The following CCDC93 variants were observed in gnomAD, a reference collection of about 807,000 sequenced individuals.
The protein encoded by CCDC93 is coiled-coil domain-containing protein 93.
A neutral mutation model predicts 108.2 loss-of-function variants in CCDC93; 61 were observed. The observed-to-expected ratio is 0.56, with a 90% CI of 0.46 to 0.70. The LOEUF is 0.70. Among genes scored for constraint, CCDC93 ranks in the 30% least tolerant of loss-of-function variants. The probability of loss-of-function intolerance (pLI) is 0.00; values close to 1 mark genes in which losing one functional copy is unlikely to be tolerated. For missense variants in CCDC93, 685 were observed against 764.2 expected, an observed-to-expected ratio of 0.90 and a Z score of 1.22; for synonymous variants, 276 against 260.4, an observed-to-expected ratio of 1.06 and a Z score of -0.58.
rs1678978754 is a variant in CCDC93 at position 117,949,402 on chromosome 2, G to A, written c.1069-7C>T. 2 of 1,607,322 alleles carry A rather than the reference G, an allele frequency of 1.2e-6. No individual in the cohort carries two copies. The highest frequency in any genetic ancestry group is 1.1e-5 in the South Asian group (1 of 90,908). On this transcript the variant is annotated splice_polypyrimidine_tract_variant and splice_region_variant and intron_variant, in intron 13 of 23. Transcript: ENST00000376300. Reference sequence around the variant, plus strand: ...TCTCACTGTAAGTCTTCAGCTGCAAGAGAGAATGAAGACATGGTTGCTGGA... The same window carrying A: ...TCTCACTGTAAGTCTTCAGCTGCAAAAGAGAATGAAGACATGGTTGCTGGA...
chr2:118,005,515 G>A (rs1676839615), intron 3 of CCDC93, among the ~76,000 whole-genome samples: 2 of 152,170 alleles, frequency 1.3e-5, no homozygotes, highest in South Asian at 4.1e-4. Flanking sequence ...TCTAATCCCA[G>A]GAGGCCAAGG....
intron 11 of CCDC93, among the ~76,000 whole-genome samples, chr2:117,963,597 G>A (rs1162442391): frequency 6.6e-6 from 1 of 152,178 alleles, no homozygotes; most frequent in South Asian, 2.1e-4. Flanking sequence ...AAAACCCATA[G>A]TTATGTAACC....
At chr2:117,953,867 G>A (rs986617800) in intron 12 of CCDC93, among the ~76,000 whole-genome samples, 2 of 152,048 alleles carry the variant, frequency 1.3e-5, no homozygotes, top group African/African-American at 4.8e-5. Context: ...GGACTCTAGC[G>A]TAGATGATGG....
chr2:117,926,137 A>G (rs1174399677), intron 23 of CCDC93, among the ~76,000 whole-genome samples: 1 of 152,190 alleles, frequency 6.6e-6, no homozygotes, highest in African/African-American at 2.4e-5. Flanking sequence ...AGGGAAATTT[A>G]TAGCACTAAA....
chr2:118,005,373 A>G (rs11679352), intron 3 of CCDC93, among the ~76,000 whole-genome samples: 147,620 of 152,264 alleles, frequency 0.97, 71,747 homozygotes, highest in Middle Eastern at 1. Flanking sequence ...GCACATCAAG[A>G]GTGCCACAGG....
At chr2:117,958,039 T>C (rs1679273443) in intron 12 of CCDC93, among the ~76,000 whole-genome samples, 1 of 152,194 alleles carries the variant, frequency 6.6e-6, no homozygotes, top group Non-Finnish European at 1.5e-5. Flanking sequence ...ATTTGTTAAC[T>C]AATGCTATTT....
chr2:117,938,237 C>T (rs533001890), intron 20 of CCDC93, among the ~76,000 whole-genome samples: 1 of 152,254 alleles, frequency 6.6e-6, no homozygotes, highest in African/African-American at 2.4e-5. Flanking sequence ...CCAAATAAAC[C>T]CAAATCTGAC....
chr2:117,945,202 T>C (rs1284827125), intron 17 of CCDC93, among the ~76,000 whole-genome samples: 2 of 152,208 alleles, frequency 1.3e-5, no homozygotes, highest in African/African-American at 4.8e-5. Flanking sequence ...TACCACCCCA[T>C]CCCTCAGAGC....
chr2:117,932,983 A>G (rs768984624), intron 22 of CCDC93, among the ~76,000 whole-genome samples: 3 of 152,218 alleles, frequency 2.0e-5, no homozygotes, highest in Non-Finnish European at 1.5e-5. Flanking sequence ...CTAGTGAGGT[A>G]GCAATGCGCT....
rs369415626 is a variant in CCDC93 at position 118,009,758 on chromosome 2, A to G, written c.43-1100T>C. Reference sequence around the variant, plus strand: ...AATGAAGAAGGGAATTCAAAAGTGCATCCCTCACTGTACTTCCCTTTTCGA... The same window carrying G: ...AATGAAGAAGGGAATTCAAAAGTGCGTCCCTCACTGTACTTCCCTTTTCGA... On this transcript the variant is annotated intron_variant, in intron 1 of 23. Transcript: ENST00000376300. Among the ~76,000 whole-genome samples the G allele has an allele frequency of 1.2e-4, 18 of 152,330 alleles. 1 individual carries two copies. In the South Asian group the frequency reaches 3.5e-3, roughly 30 times the overall value.
rs1233168022 is a variant in CCDC93, at chr2:117,919,263, C to T, written c.*1080G>A. 1 of 152,218 alleles carries T rather than the reference C, an allele frequency of 6.6e-6. No homozygotes were observed. Among genetic ancestry groups the T allele is most frequent in the Non-Finnish European group, 1.5e-5 (1 of 68,076 alleles). The allele number at this position is 152,218 out of a possible 1,614,324, so 9.4% of individuals were successfully genotyped here. A position where few individuals can be genotyped will look rare whatever the true frequency, so the allele number is the denominator to read the frequency against. ...CCTCCTGCAGAGACTAGCTTATTCC[C>T]TCCTTTCCCAACATGCATGCCTTGT... On this transcript the variant is annotated 3_prime_UTR_variant, in exon 24 of 24. Coordinates refer to ENST00000376300, the MANE Select transcript of CCDC93 (RefSeq NM_019044.5).
At chr2:117,987,604 C>T (rs1680358557) in intron 6 of CCDC93, among the ~76,000 whole-genome samples, 2 of 152,308 alleles carry the variant, frequency 1.3e-5, no homozygotes, top group South Asian at 4.1e-4. Context: ...CTCAATGGGC[C>T]TCAGTTTCTG....
At chr2:117,920,438 T>A (rs767338737) in intron 23 of CCDC93, 42 bp from the exon 24 acceptor site, 1 of 1,450,116 alleles carries the variant, frequency 6.9e-7, no homozygotes, top group Admixed American at 1.7e-5. Flanking sequence ...GGTGACTACA[T>A]TAGCACCCAT....
chr2:118,008,836 G>A, intron 1 of CCDC93, 178 bp from the exon 2 acceptor site: 1 of 583,202 alleles, frequency 1.7e-6, no homozygotes, highest in East Asian at 2.9e-5. Context: ...CAGTGTTGTT[G>A]GAGTCACAAA....
chr2:117,956,686 C>T (rs1679227222), intron 12 of CCDC93, among the ~76,000 whole-genome samples: 1 of 152,088 alleles, frequency 6.6e-6, no homozygotes, highest in African/African-American at 2.4e-5. Flanking sequence ...GAACAGAAAC[C>T]AAATCATAGG....
intron 23 of CCDC93, among the ~76,000 whole-genome samples, chr2:117,920,739 G>A (rs1677832387): frequency 6.6e-6 from 1 of 151,784 alleles, no homozygotes; most frequent in Admixed American, 6.5e-5. Context: ...TGGTGAGGGA[G>A]TGGGGAAAGG....
chr2:117,928,810 C>T (rs1193220978), intron 23 of CCDC93, among the ~76,000 whole-genome samples: 5 of 152,138 alleles, frequency 3.3e-5, no homozygotes, highest in Non-Finnish European at 5.9e-5. Context: ...CACATGCACA[C>T]GTATGTTTAT....
intron 20 of CCDC93, among the ~76,000 whole-genome samples, chr2:117,938,341 T>G (rs190398083): frequency 6.6e-6 from 1 of 152,338 alleles, no homozygotes; most frequent in African/African-American, 2.4e-5. Context: ...ATCTGCATAC[T>G]GTGCTCCAAC....
intron 23 of CCDC93, chr2:117,921,648 C>A (rs1053460281): frequency 6.6e-6 from 1 of 152,234 alleles, no homozygotes; most frequent in Non-Finnish European, 1.5e-5. Flanking sequence ...CCCCCACGGT[C>A]AATTTTTCCA....
Sources: gnomAD v4.1 joint callset for allele counts (sites outside exome capture counted in the v4.1 genomes callset) on GRCh38, gnomAD v4.1.1 for gene constraint, MANE v1.5 for transcripts, NCBI Gene and HGNC (gene_info 2026-07-23, HGNC 2026-07-21) for gene names.